The following CDH4 variants were observed in gnomAD, a reference collection of about 807,000 sequenced individuals.
CDH4 encodes the protein cadherin-4.
In CDH4, 33 loss-of-function variants were observed where a neutral mutation model predicts 86.0. The observed-to-expected ratio is 0.38, with a 90% CI of 0.29 to 0.51. CDH4 has a LOEUF of 0.51. Ranked by LOEUF, CDH4 falls within the 20% of genes least tolerant of loss-of-function variation. The pLI, the probability that CDH4 is intolerant of heterozygous loss-of-function variation, is 0.86. For synonymous variants in CDH4, 555 were observed against 549.4 expected (o/e 1.01, Z -0.14); for missense variants, 1,114 against 1,307.4 (o/e 0.85, Z 2.28).
chr20:61,588,925 G>A (rs371868817), intron 2 of CDH4, among the ~76,000 whole-genome samples: 7 of 152,158 alleles, frequency 4.6e-5, no homozygotes, highest in African/African-American at 7.2e-5. Flanking sequence ...GTACCGCTCC[G>A]AGCGCACTGT....
chr20:61,718,380 G>A (rs2087989209), intron 2 of CDH4: 1 of 174,534 alleles, frequency 5.7e-6, no homozygotes, highest in Non-Finnish European at 1.2e-5. Context: ...CCCTCTGGGT[G>A]TTGAAGGAGA....
chr20:61,458,607 T>C (rs2085423475), intron 2 of CDH4, among the ~76,000 whole-genome samples: 1 of 151,936 alleles, frequency 6.6e-6, no homozygotes, highest in Non-Finnish European at 1.5e-5. Context: ...ATAATGGTAA[T>C]GGTAATGACT....
intron 3 of CDH4, among the ~76,000 whole-genome samples, chr20:61,745,114 G>T (rs143362636): frequency 6.6e-6 from 1 of 152,228 alleles, no homozygotes; most frequent in Non-Finnish European, 1.5e-5. Context: ...AAATCACCAC[G>T]CAAGGCGGCG....
At chr20:61,451,129 C>CCG (rs11481264) in intron 2 of CDH4, among the ~76,000 whole-genome samples, 1 of 149,646 alleles carries the variant, frequency 6.7e-6, no homozygotes, top group Admixed American at 6.6e-5. Context: ...CACGCCCCCC[C>CCG]CCTTCCCTCC....
intron 2 of CDH4, among the ~76,000 whole-genome samples, chr20:61,649,556 A>G (rs2087099904): frequency 6.6e-6 from 1 of 152,164 alleles, no homozygotes; most frequent in Non-Finnish European, 1.5e-5. Flanking sequence ...TGCGGTGGAG[A>G]CAGGGAATCA....
chr20:61,274,280 G>A (rs1168238279), intron 2 of CDH4, among the ~76,000 whole-genome samples: 4 of 137,078 alleles, frequency 2.9e-5, no homozygotes, highest in African/African-American at 8.5e-5. Context: ...CAGTTTGGGG[G>A]AGTACCATAT....
intron 3 of CDH4, among the ~76,000 whole-genome samples, chr20:61,755,579 C>G (rs998679366): frequency 6.7e-6 from 1 of 149,090 alleles, no homozygotes. Flanking sequence ...GCCCCATACA[C>G]ACCACACACA....
chr20:61,800,233 T>G (rs903199180), intron 4 of CDH4, among the ~76,000 whole-genome samples: 9 of 152,166 alleles, frequency 5.9e-5, no homozygotes, highest in African/African-American at 1.9e-4. Flanking sequence ...CAGACCGCAC[T>G]CCCTCGAGTG....
chr20:61,726,986 G>T (rs1353787573), intron 2 of CDH4, among the ~76,000 whole-genome samples: 1 of 140,716 alleles, frequency 7.1e-6, no homozygotes, highest in Admixed American at 7.1e-5. Context: ...GCCACCATAG[G>T]TACCATCATC....
intron 2 of CDH4, among the ~76,000 whole-genome samples, chr20:61,666,441 A>G (rs1028036590): frequency 6.6e-6 from 1 of 152,240 alleles, no homozygotes; most frequent in African/African-American, 2.4e-5. Flanking sequence ...TCCCACTGGC[A>G]GTGCACAGGC....
intron 2 of CDH4, among the ~76,000 whole-genome samples, chr20:61,522,527 A>G (rs748560193): frequency 1.3e-5 from 2 of 152,284 alleles, no homozygotes; most frequent in African/African-American, 4.8e-5. Context: ...TATGGTTAGC[A>G]TAAATCTGCC....
intron 7 of CDH4, among the ~76,000 whole-genome samples, chr20:61,887,402 A>G (rs1054890140): frequency 2.0e-5 from 3 of 152,036 alleles, no homozygotes; most frequent in Admixed American, 1.3e-4. Flanking sequence ...ACACACACAC[A>G]CAACACGCAT....
intron 11 of CDH4, among the ~76,000 whole-genome samples, chr20:61,925,606 C>A (rs1460912997): frequency 6.6e-6 from 1 of 152,238 alleles, no homozygotes; most frequent in Non-Finnish European, 1.5e-5. Context: ...CACAGTGACG[C>A]CCTGCTGTGG....
intron 3 of CDH4, among the ~76,000 whole-genome samples, chr20:61,771,020 T>C (rs1271710980): frequency 6.7e-6 from 1 of 150,162 alleles, no homozygotes; most frequent in Non-Finnish European, 1.5e-5. Flanking sequence ...CTTTTTTTTT[T>C]TTTTTTTGAG....
intron 2 of CDH4, among the ~76,000 whole-genome samples, chr20:61,287,777 T>C (rs1345271336): frequency 6.6e-6 from 1 of 152,174 alleles, no homozygotes; most frequent in African/African-American, 2.4e-5. Context: ...TAAGTGAGGC[T>C]TGTGCGTGAG....
chr20:61,344,481 A>T (rs2084666054), intron 2 of CDH4, among the ~76,000 whole-genome samples: 1 of 152,232 alleles, frequency 6.6e-6, no homozygotes, highest in Admixed American at 6.5e-5. Context: ...TAACATGGTG[A>T]GTTCGAGAGA....
intron 2 of CDH4, among the ~76,000 whole-genome samples, chr20:61,451,064 G>A (rs2085376432): frequency 6.6e-6 from 1 of 151,980 alleles, no homozygotes. Context: ...GAGAGCGGAG[G>A]GTGTTTTGTG....
At chr20:61,615,428 G>T (rs1259923571) in intron 2 of CDH4, among the ~76,000 whole-genome samples, 5 of 152,106 alleles carry the variant, frequency 3.3e-5, no homozygotes, top group African/African-American at 1.2e-4. Context: ...GGCCTATTTT[G>T]CATTTTTTAA....
intron 2 of CDH4, among the ~76,000 whole-genome samples, chr20:61,451,125 C>A (rs1004510820): frequency 4.1e-5 from 4 of 98,422 alleles, no homozygotes; most frequent in African/African-American, 1.7e-4. Context: ...CTCTCACGCC[C>A]CCCCCCTTCC....
Sources: gnomAD v4.1 joint callset for allele counts (sites outside exome capture counted in the v4.1 genomes callset) on GRCh38, gnomAD v4.1.1 for gene constraint, MANE v1.5 for transcripts, NCBI Gene and HGNC (gene_info 2026-07-23, HGNC 2026-07-21) for gene names.